Variants in PCDH15 observed in about 807,000 individuals in gnomAD.
PCDH15 encodes protocadherin-15.
Under a neutral mutation model 178.5 loss-of-function variants are expected in PCDH15, and 129 were observed. The ratio of observed to expected loss-of-function variants is 0.72; its 90% CI spans 0.63 to 0.84. The LOEUF (loss-of-function observed/expected upper bound fraction) is 0.84. PCDH15 is among the 40% of genes least tolerant of loss of function. The pLI, the probability that PCDH15 is intolerant of heterozygous loss-of-function variation, is 0.00. For missense variants in PCDH15, 2,230 were observed against 2,099.9 expected (o/e 1.06, Z -1.21); for synonymous variants, 800 against 732.0 (o/e 1.09, Z -1.50).
intron 3 of PCDH15, among the ~76,000 whole-genome samples, chr10:54,483,419 T>C (rs2078863309): frequency 6.6e-6 from 1 of 151,880 alleles, no homozygotes; most frequent in Admixed American, 6.6e-5. Context: ...TAAATTTCAG[T>C]TGAGGCTTTC....
At chr10:54,909,689 C>G (rs1330708737) in intron 2 of PCDH15, among the ~76,000 whole-genome samples, 1 of 152,030 alleles carries the variant, frequency 6.6e-6, no homozygotes, top group Non-Finnish European at 1.5e-5. Context: ...CCTGCCTGCT[C>G]CCAGCTCCCA....
intron 8 of PCDH15, among the ~76,000 whole-genome samples, chr10:54,301,006 A>G (rs2060118659): frequency 1.3e-5 from 2 of 152,192 alleles, no homozygotes; most frequent in Admixed American, 1.3e-4. Context: ...AAGAGCTGTA[A>G]CACTCACTGA....
chr10:55,534,902 T>C (rs1841536876), intron 2 of PCDH15, among the ~76,000 whole-genome samples: 1 of 152,096 alleles, frequency 6.6e-6, no homozygotes, highest in Admixed American at 6.6e-5. Context: ...AATAAAATCA[T>C]GTCCTTCACA....
intron 2 of PCDH15, among the ~76,000 whole-genome samples, chr10:55,342,076 C>CA (rs1844616370): frequency 2.7e-5 from 4 of 150,554 alleles, no homozygotes; most frequent in South Asian, 2.1e-4. Context: ...TCAATCTTTT[C>CA]ATTTTATTTG....
At chr10:55,467,393 T>TTA (rs1481130897) in intron 2 of PCDH15, among the ~76,000 whole-genome samples, 4 of 141,072 alleles carry the variant, frequency 2.8e-5, no homozygotes, top group African/African-American at 5.2e-5. Context: ...TTTTTTTTTT[T>TTA]AACTAGGGCA....
At chr10:55,178,458 A>G (rs767010233) in intron 1 of PCDH15, among the ~76,000 whole-genome samples, 1 of 152,182 alleles carries the variant, frequency 6.6e-6, no homozygotes, top group East Asian at 1.9e-4. Flanking sequence ...CAGCCAATGG[A>G]AAGTTCTTCA....
chr10:55,360,107 C>G (rs1329981873), intron 2 of PCDH15, among the ~76,000 whole-genome samples: 1 of 151,892 alleles, frequency 6.6e-6, no homozygotes, highest in East Asian at 1.9e-4. Flanking sequence ...TTACTTGAAA[C>G]TTTCAATGGA....
intron 2 of PCDH15, among the ~76,000 whole-genome samples, chr10:54,997,194 GCAAA>G (rs1839670884): frequency 1.3e-5 from 2 of 152,118 alleles, no homozygotes; most frequent in Non-Finnish European, 2.9e-5. Context: ...ACCTATGGGG[GCAAA>G]CAAAGTTTAC....
At chr10:54,125,261 A>T (rs529612275) in intron 15 of PCDH15, among the ~76,000 whole-genome samples, 1 of 151,852 alleles carries the variant, frequency 6.6e-6, no homozygotes, top group Admixed American at 6.6e-5. Flanking sequence ...TATACCTGTT[A>T]TTGCAGTTTC....
At chr10:54,725,429 C>A (rs1942336983) in intron 1 of PCDH15, among the ~76,000 whole-genome samples, 2 of 144,680 alleles carry the variant, frequency 1.4e-5, no homozygotes, top group Non-Finnish European at 3.1e-5. Context: ...GTAATCCCAG[C>A]AATTTGGGAG....
At chr10:55,574,831 G>T (rs1842468023) in intron 2 of PCDH15, among the ~76,000 whole-genome samples, 1 of 151,968 alleles carries the variant, frequency 6.6e-6, no homozygotes, top group African/African-American at 2.4e-5. Context: ...ACCTGGGGAG[G>T]ATAATAGTTT....
At chr10:54,838,029 T>C (rs1591732338) in intron 3 of PCDH15, among the ~76,000 whole-genome samples, 1 of 151,974 alleles carries the variant, frequency 6.6e-6, no homozygotes, top group South Asian at 2.1e-4. Context: ...CTAGAATACA[T>C]ACTTGTCCAA....
At chr10:54,598,105 A>G (rs1454161620) in intron 2 of PCDH15, among the ~76,000 whole-genome samples, 1 of 151,986 alleles carries the variant, frequency 6.6e-6, no homozygotes, top group Non-Finnish European at 1.5e-5. Flanking sequence ...CACAATTGAG[A>G]AGGGACTTCT....
chr10:54,946,322 T>C (rs571536217), intron 2 of PCDH15, among the ~76,000 whole-genome samples: 18 of 151,770 alleles, frequency 1.2e-4, no homozygotes, highest in Non-Finnish European at 2.4e-4. Flanking sequence ...ATCTGCTCAT[T>C]TGCCCTAGTT....
intron 9 of PCDH15, among the ~76,000 whole-genome samples, chr10:54,217,632 A>C (rs945526037): frequency 6.6e-6 from 1 of 152,224 alleles, no homozygotes; most frequent in East Asian, 1.9e-4. Flanking sequence ...GTTGTAGTTT[A>C]TCTTAAGAAA....
chr10:55,353,371 C>G (rs980929571), intron 2 of PCDH15, among the ~76,000 whole-genome samples: 1 of 152,032 alleles, frequency 6.6e-6, no homozygotes, highest in African/African-American at 2.4e-5. Context: ...ACTTTTGCAC[C>G]AACCTACAAA....
At chr10:53,844,521 C>G (rs887580858) in intron 28 of PCDH15, among the ~76,000 whole-genome samples, 3 of 151,602 alleles carry the variant, frequency 2.0e-5, no homozygotes. Flanking sequence ...CATGATATGA[C>G]CATAAAAACA....
At chr10:54,072,488 A>G (rs4266979) in intron 17 of PCDH15, among the ~76,000 whole-genome samples, 54,142 of 151,938 alleles carry the variant, frequency 0.36, 10,847 homozygotes, top group Middle Eastern at 0.52. Context: ...TTTCTTTGAG[A>G]AAGAGAAAAG....
In PCDH15 at chr10:53,808,536, CATAT is replaced by C. The variant is rs1270889712; in HGVS notation, c.4672-1410_4672-1407del. The C allele has an allele frequency of 7.7e-6, 11 of 1,436,712 alleles. No homozygotes were observed. The East Asian group carries it at 2.0e-4, about 26-fold the overall frequency. 89.0% of individuals were successfully genotyped at this position (1,436,712 alleles called of 1,614,324 possible). The stretch of plus-strand genomic sequence containing the variant: ...CTAATATACAAATGGATTTGGACAA[CATAT>C]ATATTCACTTTTCTGGCATGCTTCT... On this transcript the variant is annotated intron_variant, in intron 37 of 37. Transcript: ENST00000644397.
Sources: gnomAD v4.1 joint callset for allele counts (sites outside exome capture counted in the v4.1 genomes callset) on GRCh38, gnomAD v4.1.1 for gene constraint, MANE v1.5 for transcripts, NCBI Gene and HGNC (gene_info 2026-07-23, HGNC 2026-07-21) for gene names.